Variants in TLK1 observed in about 807,000 individuals in gnomAD.
TLK1 encodes serine/threonine-protein kinase tousled-like 1.
TLK1 carries 24 observed loss-of-function variants against 105.3 expected under a neutral mutation model. The ratio of observed to expected loss-of-function variants is 0.23; its 90% CI spans 0.17 to 0.32. The LOEUF (loss-of-function observed/expected upper bound fraction) is 0.32. TLK1 is among the 10% of genes least tolerant of loss of function. The probability of loss-of-function intolerance (pLI) is 1.00; values close to 1 mark genes in which losing one functional copy is unlikely to be tolerated. For synonymous variants in TLK1, 321 were observed against 310.4 expected, an observed-to-expected ratio of 1.03 and a Z score of -0.36; for missense variants, 558 against 910.5, an observed-to-expected ratio of 0.61 and a Z score of 4.98.
At chr2:171,098,506 G>A (rs918074227) in intron 2 of TLK1, among the ~76,000 whole-genome samples, 1 of 152,098 alleles carries the variant, frequency 6.6e-6, no homozygotes, top group Non-Finnish European at 1.5e-5. Flanking sequence ...TACCCTCGAA[G>A]AAAAGCCCAG....
intron 1 of TLK1, among the ~76,000 whole-genome samples, chr2:171,170,022 G>A (rs1250804827): frequency 6.6e-6 from 1 of 152,136 alleles, no homozygotes; most frequent in East Asian, 1.9e-4. Flanking sequence ...AAAAGAAACA[G>A]CATGCACACA....
In TLK1 at chr2:171,053,738, C is replaced by A. The variant is rs375182260; in HGVS notation, c.732+23G>T. On this transcript the variant is annotated intron_variant, in intron 8 of 20. Transcript: ENST00000431350. Reference sequence around the variant, plus strand: ...GCCAAATAATTTATTCAATTTTTTTCCCCTCTATGACTCATTACTTACCCT... The same window carrying A: ...GCCAAATAATTTATTCAATTTTTTTACCCTCTATGACTCATTACTTACCCT... 2.8e-5 allele frequency: 42 copies of A among 1,510,208 alleles called. No individual in the cohort carries two copies. In the African/African-American group the frequency reaches 5.0e-4, roughly 18 times the overall value. The allele number at this position is 1,510,208 out of a possible 1,614,324, so 93.6% of individuals were successfully genotyped here.
intron 1 of TLK1, among the ~76,000 whole-genome samples, chr2:171,139,447 A>C (rs947725209): frequency 3.3e-5 from 5 of 152,046 alleles, no homozygotes; most frequent in South Asian, 4.2e-4. Context: ...AAGATTCAAA[A>C]ATTAGCTGGG....
chr2:171,168,736 CACA>C (rs374428135), intron 1 of TLK1, among the ~76,000 whole-genome samples: 9 of 152,260 alleles, frequency 5.9e-5, no homozygotes, highest in African/African-American at 2.2e-4. Flanking sequence ...ATAGAACTAT[CACA>C]ACAATATAGT....
At chr2:171,107,763 T>TA (rs1193575604) in intron 2 of TLK1, among the ~76,000 whole-genome samples, 1 of 151,722 alleles carries the variant, frequency 6.6e-6, no homozygotes, top group Non-Finnish European at 1.5e-5. Flanking sequence ...AACAACAGAA[T>TA]AAAAAAAGGA....
intron 1 of TLK1, among the ~76,000 whole-genome samples, chr2:171,196,705 CA>C (rs35580522): frequency 6.6e-6 from 1 of 151,844 alleles, no homozygotes. Context: ...AAGGGAAATA[CA>C]AAAAAATGGT....
chr2:171,081,634 G>A (rs1688758502), intron 3 of TLK1: 8 of 1,303,072 alleles, frequency 6.1e-6, no homozygotes, highest in East Asian at 5.5e-5. Context: ...GGCTACTAAC[G>A]CTTACCTCAA....
At chr2:171,058,007 C>T in intron 5 of TLK1, 144 bp downstream of exon 5, 1 of 671,274 alleles carries the variant, frequency 1.5e-6, no homozygotes, top group Non-Finnish European at 2.4e-6. Context: ...TCTAATTTTC[C>T]TAGAAAGATA....
At chr2:171,014,659 T>C (rs1201319060) in intron 13 of TLK1, among the ~76,000 whole-genome samples, 192 bp downstream of exon 13, 1 of 152,012 alleles carries the variant, frequency 6.6e-6, no homozygotes. Flanking sequence ...GCTCTTGACA[T>C]GTTTAAGAGA....
chr2:171,023,439 C>CACA (rs1685626718), intron 12 of TLK1, among the ~76,000 whole-genome samples: 1 of 141,162 alleles, frequency 7.1e-6, no homozygotes, highest in Non-Finnish European at 1.5e-5. Context: ...ACACACACAC[C>CACA]AAAACACACA....
At chr2:171,218,160 A>G (rs1018699220) in intron 1 of TLK1, among the ~76,000 whole-genome samples, 7 of 152,188 alleles carry the variant, frequency 4.6e-5, no homozygotes, top group Admixed American at 6.5e-5. Flanking sequence ...AGGTTGAGGC[A>G]GGAGAATTGC....
intron 1 of TLK1, among the ~76,000 whole-genome samples, chr2:171,213,196 C>A (rs1254304966): frequency 6.9e-6 from 1 of 145,742 alleles, no homozygotes; most frequent in Admixed American, 7.1e-5. Context: ...CTTTCTTTTT[C>A]TTTTCTTTTC....
intron 1 of TLK1, among the ~76,000 whole-genome samples, chr2:171,180,083 A>G: frequency 7.2e-6 from 1 of 139,656 alleles, no homozygotes; most frequent in African/African-American, 2.8e-5. Context: ...TGATAGAGTG[A>G]GACTCTGTCT....
intron 1 of TLK1, among the ~76,000 whole-genome samples, chr2:171,185,031 G>A (rs753036644): frequency 2.0e-5 from 3 of 151,954 alleles, no homozygotes; most frequent in South Asian, 2.1e-4. Context: ...AGTAGAGATG[G>A]GATTTCACCA....
chr2:171,229,091 C>T (rs1693948224), intron 1 of TLK1, among the ~76,000 whole-genome samples: 1 of 152,182 alleles, frequency 6.6e-6, no homozygotes, highest in Admixed American at 6.5e-5. Flanking sequence ...TATGGTCTTA[C>T]ATCTTTTGTT....
chr2:171,052,415 AAAGAATGTTCTTAG>A (rs1229785833), intron 8 of TLK1, among the ~76,000 whole-genome samples: 1 of 152,246 alleles, frequency 6.6e-6, no homozygotes, highest in African/African-American at 2.4e-5. Context: ...AGACATGTAC[AAAGAATGTTCTTAG>A]AACTGTTTAT....
intron 11 of TLK1, among the ~76,000 whole-genome samples, chr2:171,028,814 G>A (rs1685900362): frequency 6.6e-6 from 1 of 152,156 alleles, no homozygotes; most frequent in Non-Finnish European, 1.5e-5. Context: ...TATAGTGGAA[G>A]TAAGCAAGCA....
At chr2:171,170,630 G>A (rs901350578) in intron 1 of TLK1, among the ~76,000 whole-genome samples, 3 of 152,236 alleles carry the variant, frequency 2.0e-5, no homozygotes, top group African/African-American at 7.2e-5. Context: ...AGATAATGAT[G>A]CGAAGTCACA....
At chr2:171,130,888 C>A (rs188603421) in intron 1 of TLK1, among the ~76,000 whole-genome samples, 1 of 152,124 alleles carries the variant, frequency 6.6e-6, no homozygotes. Context: ...ACTTTGGGAT[C>A]CAGATATATA....
Sources: allele counts gnomAD v4.1 joint callset (sites outside exome capture counted in the v4.1 genomes callset), GRCh38; gene constraint gnomAD v4.1.1; transcripts MANE v1.5; gene names NCBI Gene and HGNC (gene_info 2026-07-23, HGNC 2026-07-21).